The following LAMA2 variants were observed in gnomAD, a reference collection of about 807,000 sequenced individuals.
The protein encoded by LAMA2 is laminin subunit alpha 2.
A neutral mutation model predicts 364.8 loss-of-function variants in LAMA2; 269 were observed. That is an observed-to-expected ratio of 0.74 (90% CI 0.67 to 0.82). The LOEUF (loss-of-function observed/expected upper bound fraction) is 0.82. Among genes scored for constraint, LAMA2 ranks in the 40% least tolerant of loss-of-function variants. The probability of loss-of-function intolerance (pLI) is 0.00; values close to 1 mark genes in which losing one functional copy is unlikely to be tolerated. For synonymous variants in LAMA2, 1,379 were observed against 1,370.6 expected, an observed-to-expected ratio of 1.01 and a Z score of -0.14; for missense variants, 3,807 against 3,873.2, an observed-to-expected ratio of 0.98 and a Z score of 0.45.
At chr6:129,432,602 T>C (rs1310657536) in intron 41 of LAMA2, among the ~76,000 whole-genome samples, 3 of 152,184 alleles carry the variant, frequency 2.0e-5, no homozygotes, top group African/African-American at 7.2e-5. Context: ...CAGAAATGCC[T>C]TCAAGAGACT....
intron 4 of LAMA2, among the ~76,000 whole-genome samples, chr6:129,124,373 T>C (rs959642407): frequency 2.6e-5 from 4 of 152,158 alleles, no homozygotes; most frequent in African/African-American, 9.7e-5. Context: ...AAGAGAGAGA[T>C]GGTGTCTCCC....
At chr6:128,988,615 TTTTCACAATTCTTAGCTTTTTTAAC>T (rs1160067999) in intron 1 of LAMA2, among the ~76,000 whole-genome samples, 9 of 152,178 alleles carry the variant, frequency 5.9e-5, no homozygotes, top group Admixed American at 1.3e-4. Context: ...GTTATTGGGA[TTTTCACAATTCTTAGCTTTTTTAAC>T]TTTCACAATT....
intron 33 of LAMA2, 22 bp downstream of exon 33, chr6:129,366,383 C>G: frequency 1.2e-6 from 2 of 1,612,566 alleles, no homozygotes; most frequent in Non-Finnish European, 1.7e-6. Flanking sequence ...CAGTCACAAG[C>G]AAGGGCCAGG....
At chr6:128,950,819 T>C (rs900367695) in intron 1 of LAMA2, among the ~76,000 whole-genome samples, 11 of 152,130 alleles carry the variant, frequency 7.2e-5, no homozygotes, top group African/African-American at 2.4e-4. Context: ...TGTATGCCCA[T>C]ATATATATTA....
chr6:128,907,754 T>A (rs1777588003), intron 1 of LAMA2, among the ~76,000 whole-genome samples: 1 of 152,208 alleles, frequency 6.6e-6, no homozygotes, highest in African/African-American at 2.4e-5. Context: ...CAATTCAGTA[T>A]GATATTCGCT....
intron 12 of LAMA2, among the ~76,000 whole-genome samples, chr6:129,197,042 G>C (rs1173737575): frequency 6.6e-6 from 1 of 152,012 alleles, no homozygotes; most frequent in East Asian, 1.9e-4. Flanking sequence ...TTAAAACAGA[G>C]ATTTTAAAAC....
chr6:129,516,273 A>T lies in LAMA2; in HGVS notation c.9295A>T (p.Lys3099Ter), dbSNP rs749797580. The T allele has an allele frequency of 1.2e-6, 2 of 1,614,020 alleles. No homozygotes were observed. The highest frequency in any genetic ancestry group is 2.7e-5 in the African/African-American group (2 of 74,920). The stretch of plus-strand genomic sequence containing the variant: ...CCTGAAGCTCACCAAAGGCACAGGC[A>T]AGCCACTGGAGGTTAATTTTGCCAA... ...RSLKLTKGTG[K>*]PLEVNFAKAL... The change falls in exon 65 of 65, where the codon AAG (lysine) becomes TAG (stop). Residue 3099 changes from lysine (K) to a stop codon, truncating the protein, a stop_gained. Transcript: ENST00000421865. LOFTEE classifies it high-confidence loss of function.
intron 4 of LAMA2, among the ~76,000 whole-genome samples, chr6:129,135,098 A>T (rs1267148785): frequency 6.6e-6 from 1 of 152,192 alleles, no homozygotes; most frequent in African/African-American, 2.4e-5. Flanking sequence ...ATAGAATACA[A>T]ATTCATCCAA....
chr6:129,087,914 T>TA (rs1251720555), intron 3 of LAMA2, among the ~76,000 whole-genome samples: 1 of 150,974 alleles, frequency 6.6e-6, no homozygotes, highest in African/African-American at 2.4e-5. Context: ...TTATTTTTTT[T>TA]ATTAATCATT....
intron 35 of LAMA2, among the ~76,000 whole-genome samples, chr6:129,384,304 C>CAAA (rs1778856767): frequency 6.6e-6 from 1 of 152,114 alleles, no homozygotes; most frequent in African/African-American, 2.4e-5. Context: ...CAACCCAAAA[C>CAAA]AACAACAACA....
intron 3 of LAMA2, among the ~76,000 whole-genome samples, chr6:129,077,444 C>T (rs1438857241): frequency 6.6e-6 from 1 of 151,992 alleles, no homozygotes; most frequent in Non-Finnish European, 1.5e-5. Flanking sequence ...AAATTTATCA[C>T]AGTATACATA....
chr6:129,179,736 T>C (rs1295311381), intron 10 of LAMA2, among the ~76,000 whole-genome samples: 1 of 152,194 alleles, frequency 6.6e-6, no homozygotes, highest in Non-Finnish European at 1.5e-5. Context: ...TACCATGTGA[T>C]ATCTTAAATA....
At chr6:129,110,342 A>G (rs185520877) in intron 4 of LAMA2, among the ~76,000 whole-genome samples, 489 of 152,158 alleles carry the variant, frequency 3.2e-3, no homozygotes, top group Non-Finnish European at 5.9e-3. Flanking sequence ...ATATTATGAC[A>G]TCTATAATCT....
chr6:129,016,197 A>T (rs905314420), intron 1 of LAMA2, among the ~76,000 whole-genome samples: 5 of 152,070 alleles, frequency 3.3e-5, no homozygotes, highest in Non-Finnish European at 7.4e-5. Flanking sequence ...GGGGCCAAAT[A>T]ATTCTCTATG....
intron 22 of LAMA2, among the ~76,000 whole-genome samples, chr6:129,302,699 AAC>A (rs1773622153): frequency 6.6e-6 from 1 of 152,028 alleles, no homozygotes; most frequent in Non-Finnish European, 1.5e-5. Context: ...CAATTTTTCA[AAC>A]ATTATTTGTT....
At chr6:129,328,195 T>C in intron 28 of LAMA2, 83 bp from the exon 29 acceptor site, 6 of 1,240,692 alleles carry the variant, frequency 4.8e-6, no homozygotes, top group Non-Finnish European at 7.1e-6. Flanking sequence ...GGCCAGTCTG[T>C]CTTTGCAGCC....
At chr6:128,898,979 C>CAG (rs1191964273) in intron 1 of LAMA2, among the ~76,000 whole-genome samples, 5 of 152,190 alleles carry the variant, frequency 3.3e-5, no homozygotes, top group Non-Finnish European at 4.4e-5. Flanking sequence ...TCACCTCTTA[C>CAG]AGAGGCCTTT....
At position 128,929,322 on chromosome 6, in the gene LAMA2, G is replaced by A. The variant is rs987091898; in HGVS notation, c.112+45965G>A. 5.9e-6 allele frequency: 7 copies of A among 1,189,210 alleles called. No individual in the cohort carries two copies. In the African/African-American group the frequency reaches 1.1e-4, roughly 18 times the overall value. The allele number at this position is 1,189,210 out of a possible 1,614,324, so 73.7% of individuals were successfully genotyped here. On this transcript the variant is annotated intron_variant, in intron 1 of 64. Coordinates refer to ENST00000421865, the MANE Select transcript of LAMA2 (RefSeq NM_000426.4). ...ATGTCCCACAGCTCACTCTCACAGAGCCAAGTACACGGCCCAAAGACTGGG... is the reference window on the plus strand; with the variant it reads ...ATGTCCCACAGCTCACTCTCACAGAACCAAGTACACGGCCCAAAGACTGGG...
chr6:129,484,893 C>T (rs1784519624), intron 55 of LAMA2, among the ~76,000 whole-genome samples: 1 of 152,102 alleles, frequency 6.6e-6, no homozygotes, highest in Admixed American at 6.5e-5. Context: ...TACAGGTATT[C>T]ATGTTATTAT....
Sources: gnomAD v4.1 joint callset for allele counts (sites outside exome capture counted in the v4.1 genomes callset) on GRCh38, gnomAD v4.1.1 for gene constraint, MANE v1.5 for transcripts, NCBI Gene and HGNC (gene_info 2026-07-23, HGNC 2026-07-21) for gene names.